The following LRRK1 variants were observed in gnomAD, a reference collection of about 807,000 sequenced individuals.
LRRK1 encodes the protein leucine-rich repeat serine/threonine-protein kinase 1.
Under a neutral mutation model 209.1 loss-of-function variants are expected in LRRK1, and 113 were observed. The observed-to-expected ratio is 0.54, with a 90% CI of 0.46 to 0.63. The LOEUF is 0.63. LRRK1 is among the 30% of genes least tolerant of loss of function. The pLI is 0.00. For synonymous variants in LRRK1, 1,144 were observed against 1,099.7 expected (o/e 1.04, Z -0.80); for missense variants, 2,284 against 2,632.2 (o/e 0.87, Z 2.89).
chr15:101,016,233 C>A (rs1028186258), intron 12 of LRRK1, among the ~76,000 whole-genome samples: 2 of 151,612 alleles, frequency 1.3e-5, no homozygotes, highest in Non-Finnish European at 2.9e-5. Context: ...AGGGCCCCAC[C>A]CTCATGACCT....
chr15:100,960,709 C>G (rs897093537), intron 2 of LRRK1, among the ~76,000 whole-genome samples: 8 of 152,102 alleles, frequency 5.3e-5, no homozygotes, highest in Non-Finnish European at 7.4e-5. Context: ...AGCTGTGTCC[C>G]CAGGGTCCAG....
rs2030580339 is a variant in LRRK1 at position 100,967,967 on chromosome 15, A to G, written c.98-5837A>G. ...CTGCTTGATAAGTTTTGACAAATAC[A>G]GCAACTGTGTAATGAAAACTCCAGT... On this transcript the variant is annotated intron_variant, in intron 2 of 33. Transcript: ENST00000388948. Among the ~76,000 whole-genome samples the G allele has an allele frequency of 5.3e-5, 8 of 152,356 alleles. No homozygotes were observed. The South Asian group carries it at 1.7e-3, about 32-fold the overall frequency.
Position 101,027,459 on chromosome 15 carries a change from T to C in LRRK1, c.2526+78T>C. 6.4e-7 allele frequency: 1 copy of C among 1,565,008 alleles called. No individual in the cohort carries two copies. Among genetic ancestry groups the C allele is most frequent in the Non-Finnish European group, 8.7e-7 (1 of 1,154,610 alleles). ...GGGGTCCTCACTTCCCCCTCTCTCC[T>C]GTGAAGCCCATGTCTGTGTGGCAAG... On this transcript the variant is annotated intron_variant, in intron 18 of 33. Transcript: ENST00000388948. The surrounding 1 kb of genome is among the most constrained non-coding windows in gnomAD (Gnocchi z 5.1).
chr15:100,962,147 T>G (rs2141636336), intron 2 of LRRK1, among the ~76,000 whole-genome samples: 1 of 149,118 alleles, frequency 6.7e-6, no homozygotes, highest in South Asian at 2.1e-4. Context: ...CTGGACATAC[T>G]TCATCTTTTA....
chr15:100,921,807 C>T (rs2042026921), intron 1 of LRRK1, among the ~76,000 whole-genome samples: 1 of 152,186 alleles, frequency 6.6e-6, no homozygotes, highest in African/African-American at 2.4e-5. Flanking sequence ...ACCTCCACCT[C>T]CCCCAGTTTA....
intron 2 of LRRK1, among the ~76,000 whole-genome samples, chr15:100,954,398 A>T (rs2042713750): frequency 6.6e-6 from 1 of 152,202 alleles, no homozygotes; most frequent in South Asian, 2.1e-4. Flanking sequence ...CATTTTGAAT[A>T]TTAACCCCTT....
In LRRK1 at chr15:101,074,318, A is replaced by G. The variant is rs565000223; in HGVS notation, c.*5470A>G. On this transcript the variant is annotated 3_prime_UTR_variant, in exon 34 of 34. Coordinates refer to ENST00000388948, the MANE Select transcript of LRRK1 (RefSeq NM_024652.6). ...CCCCTCCTCACACCCGGTCCGGCTT[A>G]CAGTTTCCTTCCGTGACTAGCCCTC... 6.6e-6 allele frequency: 1 copy of G among 152,064 alleles called. No individual in the cohort carries two copies. The highest frequency in any genetic ancestry group is 2.4e-5 in the African/African-American group (1 of 41,344). 9.4% of individuals were successfully genotyped at this position (152,064 alleles called of 1,614,324 possible). A position where few individuals can be genotyped will look rare whatever the true frequency, so the allele number is the denominator to read the frequency against.
intron 3 of LRRK1, among the ~76,000 whole-genome samples, chr15:100,977,833 G>A (rs760495036): frequency 6.6e-6 from 1 of 152,096 alleles, no homozygotes; most frequent in African/African-American, 2.4e-5. Flanking sequence ...AAAATTACTC[G>A]TAATTACCAA....
At position 101,065,669 on chromosome 15, in the gene LRRK1, G is replaced by C; in HGVS notation, c.5232G>C (p.Glu1744Asp). The change falls in exon 32 of 34, where the codon GAG (glutamate) becomes GAC (aspartate). Residue 1744 changes from glutamate (E) to aspartate (D), a missense_variant. Transcript: ENST00000388948. ...SMVTSVVCSS[E>D]GRGEEVVWCL... ...TTACGTCAGTCGTGTGCAGCTCTGA[G>C]GGCAGAGGGGAGGAGGTCGTCTGGT... 1 of 1,614,152 alleles carries C rather than the reference G, an allele frequency of 6.2e-7. No homozygotes were observed. Among genetic ancestry groups the C allele is most frequent in the Non-Finnish European group, 8.5e-7 (1 of 1,180,028 alleles).
At position 101,070,016 on chromosome 15, in the gene LRRK1, T is replaced by C. The variant is rs1260224782; in HGVS notation, c.*1168T>C. The C allele has an allele frequency of 6.6e-6, 1 of 152,236 alleles. No homozygotes were observed. Among genetic ancestry groups the C allele is most frequent in the Non-Finnish European group, 1.5e-5 (1 of 68,044 alleles). The allele number at this position is 152,236 out of a possible 1,614,324, so 9.4% of individuals were successfully genotyped here. A position where few individuals can be genotyped will look rare whatever the true frequency, so the allele number is the denominator to read the frequency against. ...ACTCCAGCTGAAGTTTGTTGACCCT[T>C]TTCTAAAATTAAAAAGATCAAATTT... On this transcript the variant is annotated 3_prime_UTR_variant, in exon 34 of 34. Coordinates refer to ENST00000388948, the MANE Select transcript of LRRK1 (RefSeq NM_024652.6).
intron 6 of LRRK1, among the ~76,000 whole-genome samples, chr15:101,001,322 C>T (rs762340779): frequency 3.9e-5 from 6 of 152,070 alleles, no homozygotes; most frequent in African/African-American, 7.3e-5. Context: ...CTGCAGCCAT[C>T]GTCTCATCTC....
chr15:100,924,735 G>A lies in LRRK1; in HGVS notation c.97+6G>A. On this transcript the variant is annotated splice_donor_region_variant and intron_variant, in intron 2 of 33. Transcript: ENST00000388948. ...TGCCATGGAGACGCTTAACGGTAAG[G>A]ACAGGGCTGTGCTTATGCCTGCCTG... is the stretch of plus-strand genomic sequence containing the variant. 6.2e-7 allele frequency: 1 copy of A among 1,607,876 alleles called. No homozygotes were observed. The highest frequency in any genetic ancestry group is 8.5e-7 in the Non-Finnish European group (1 of 1,174,304).
intron 6 of LRRK1, among the ~76,000 whole-genome samples, chr15:100,995,577 G>A (rs888952581): frequency 6.6e-6 from 1 of 152,172 alleles, no homozygotes; most frequent in Non-Finnish European, 1.5e-5. Context: ...GAGACGGCCC[G>A]CGTTCGTGGT....
At chr15:101,040,025 T>G (rs890573124) in intron 20 of LRRK1, among the ~76,000 whole-genome samples, 2 of 152,186 alleles carry the variant, frequency 1.3e-5, no homozygotes, top group African/African-American at 4.8e-5. Flanking sequence ...GGATATTGGT[T>G]GGTACTTTGA....
chr15:101,057,954 T>C, intron 28 of LRRK1, 36 bp from the exon 29 acceptor site: 7 of 1,611,510 alleles, frequency 4.3e-6, no homozygotes, highest in Non-Finnish European at 5.9e-6. Flanking sequence ...CGGTTGTAAG[T>C]GACCTTGCTC....
At chr15:100,949,778 A>G (rs991155666) in intron 2 of LRRK1, among the ~76,000 whole-genome samples, 1 of 152,188 alleles carries the variant, frequency 6.6e-6, no homozygotes. Flanking sequence ...GATCATCTCA[A>G]TAGACACAGA....
Position 101,049,683 on chromosome 15 carries a change from C to T in LRRK1, c.3339C>T (p.Ser1113=), listed in dbSNP as rs762543442. 7.8e-5 allele frequency: 126 copies of T among 1,613,898 alleles called. No homozygotes were observed. Among genetic ancestry groups the T allele is most frequent in the East Asian group, 7.1e-4 (32 of 44,864 alleles). ...SSDVNWKKKK[S]GGMKIVCQSE... is the part of the protein sequence containing the mutation. The stretch of plus-strand genomic sequence containing the variant: ...ACGTGAACTGGAAAAAGAAGAAAAG[C>T]GGAGGAATGAAAATTGTTTGCCAAT... Residue 1113 remains serine, a synonymous_variant, in exon 23 of 34, where the codon AGC becomes AGT. Coordinates refer to ENST00000388948, the MANE Select transcript of LRRK1 (RefSeq NM_024652.6).
chr15:101,003,398 A>T (rs1177803597), intron 6 of LRRK1, among the ~76,000 whole-genome samples: 2 of 152,216 alleles, frequency 1.3e-5, no homozygotes, highest in Non-Finnish European at 2.9e-5. Flanking sequence ...GTCCACTCTA[A>T]GGGTGTATGC....
At chr15:100,938,078 C>T (rs1217384423) in intron 2 of LRRK1, among the ~76,000 whole-genome samples, 1 of 150,730 alleles carries the variant, frequency 6.6e-6, no homozygotes, top group Admixed American at 6.6e-5. Flanking sequence ...AGGTTGGTCT[C>T]GAACTCCTGA....
Sources: allele counts gnomAD v4.1 joint callset (sites outside exome capture counted in the v4.1 genomes callset), GRCh38; gene constraint gnomAD v4.1.1; non-coding constraint Gnocchi (gnomAD v3.1); transcripts MANE v1.5; gene names NCBI Gene and HGNC (gene_info 2026-07-23, HGNC 2026-07-21).